CFAP92: variants seen among roughly 807,000 people sequenced by gnomAD.
CFAP92 encodes uncharacterized protein CFAP92.
A neutral mutation model predicts 106.3 loss-of-function variants in CFAP92; 86 were observed. The ratio of observed to expected loss-of-function variants is 0.81; its 90% CI spans 0.68 to 0.97. The LOEUF (loss-of-function observed/expected upper bound fraction) is 0.97. CFAP92 is among the 50% of genes least tolerant of loss of function. CFAP92 has a pLI of 0.00. For synonymous variants in CFAP92, 477 were observed against 506.4 expected, an observed-to-expected ratio of 0.94 and a Z score of 0.78; for missense variants, 1,204 against 1,283.8, an observed-to-expected ratio of 0.94 and a Z score of 0.95.
intron 10 of CFAP92, among the ~76,000 whole-genome samples, chr3:128,940,562 T>G (rs1344930119): frequency 1.3e-5 from 2 of 152,226 alleles, no homozygotes; most frequent in African/African-American, 4.8e-5. Context: ...TTCATTCTTT[T>G]GAAGTAGAAA....
intron 15 of CFAP92, chr3:128,910,874 G>A (rs1489259512): frequency 6.3e-7 from 1 of 1,580,632 alleles, no homozygotes; most frequent in Non-Finnish European, 8.7e-7. Flanking sequence ...TATTGATGGT[G>A]AGCTGTTTCT....
intron 15 of CFAP92, among the ~76,000 whole-genome samples, chr3:128,910,577 TG>T (rs1304623844): frequency 1.3e-5 from 2 of 152,164 alleles, no homozygotes; most frequent in African/African-American, 4.8e-5. Flanking sequence ...GGGGAAAGGC[TG>T]TTGGATCAGG....
intron 12 of CFAP92, among the ~76,000 whole-genome samples, chr3:128,931,332 T>C (rs1428785436): frequency 1.3e-5 from 2 of 151,856 alleles, no homozygotes; most frequent in African/African-American, 4.8e-5. Flanking sequence ...CATGCCAGCA[T>C]GCCCAGCTAA....
intron 4 of CFAP92, among the ~76,000 whole-genome samples, chr3:128,984,084 C>A (rs1471758554): frequency 2.0e-5 from 3 of 151,902 alleles, no homozygotes; most frequent in Non-Finnish European, 2.9e-5. Context: ...GTGGGGGTGC[C>A]CAGAATTGAG....
chr3:129,014,188 G>T, the CFAP92 span, among the ~76,000 whole-genome samples: 3 of 152,232 alleles, frequency 2.0e-5, no homozygotes, highest in Admixed American at 6.5e-5. The surrounding 1 kb of genome is among the most constrained non-coding windows in gnomAD (Gnocchi z 4.3). Context: ...AGGCAGCTGG[G>T]AAGAGGCAGA....
intron 15 of CFAP92, among the ~76,000 whole-genome samples, chr3:128,912,296 A>G (rs1423160696): frequency 3.9e-5 from 6 of 152,198 alleles, no homozygotes; most frequent in Non-Finnish European, 8.8e-5. Flanking sequence ...AGAGATGAGC[A>G]GGATGAGTCC....
chr3:129,003,338 A>G (rs570504457), upstream of CFAP92: 1 of 956,012 alleles, frequency 1.0e-6, no homozygotes, highest in Non-Finnish European at 1.2e-6. Context: ...GGCTCTGGGA[A>G]CACACCAGTA....
intron 9 of CFAP92, among the ~76,000 whole-genome samples, chr3:128,952,685 G>A (rs576491038): frequency 1.3e-5 from 2 of 152,204 alleles, no homozygotes; most frequent in African/African-American, 4.8e-5. Flanking sequence ...GGAGGCTGAG[G>A]TGGCAGGGTC....
chr3:128,973,357 G>A (rs1199400112), intron 7 of CFAP92, among the ~76,000 whole-genome samples: 1 of 152,068 alleles, frequency 6.6e-6, no homozygotes, highest in East Asian at 1.9e-4. Flanking sequence ...CAAGCAGGGG[G>A]GAACAGATGC....
chr3:128,927,888 T>C (rs1937869325), intron 12 of CFAP92, among the ~76,000 whole-genome samples: 1 of 152,108 alleles, frequency 6.6e-6, no homozygotes, highest in Admixed American at 6.6e-5. Context: ...AGCAGAGACA[T>C]TCCATGTTCA....
chr3:128,994,121 C>G, upstream of CFAP92: 1 of 985,790 alleles, frequency 1.0e-6, no homozygotes, highest in African/African-American at 1.7e-5. Context: ...GGCCCAGCCA[C>G]TCAGCTACGT....
intron 10 of CFAP92, among the ~76,000 whole-genome samples, chr3:128,938,519 A>G (rs1302369081): frequency 1.4e-5 from 2 of 142,054 alleles, no homozygotes; most frequent in Admixed American, 7.2e-5. Flanking sequence ...TAAGAGATGG[A>G]GTCTCGCTCT....
intron 12 of CFAP92, among the ~76,000 whole-genome samples, chr3:128,919,163 C>T (rs1027682491): frequency 2.6e-5 from 4 of 151,854 alleles, no homozygotes; most frequent in Non-Finnish European, 5.9e-5. Context: ...AGGCTGGTCT[C>T]GAACGCCAGA....
In CFAP92 at chr3:128,933,012, C is replaced by T. The variant is rs1386437834; in HGVS notation, c.2454-15G>A. The T allele has an allele frequency of 2.0e-6, 3 of 1,535,512 alleles. No homozygotes were observed. In the African/African-American group the frequency reaches 4.1e-5, roughly 21 times the overall value. On this transcript the variant is annotated splice_polypyrimidine_tract_variant and intron_variant, in intron 11 of 15. Coordinates refer to ENST00000645291, the MANE Select transcript of CFAP92 (RefSeq NM_001394090.1). ...TGTCGTGGATCCTGGAACAAAGAAC[C>T]ACTGCCCCACTGAACCTCTCCTACC...
At chr3:129,016,789 G>T in the CFAP92 span, among the ~76,000 whole-genome samples, 5 of 152,118 alleles carry the variant, frequency 3.3e-5, no homozygotes, top group Non-Finnish European at 7.3e-5. Context: ...GCACTCACTG[G>T]GTGTTAGGCA....
intron 4 of CFAP92, among the ~76,000 whole-genome samples, chr3:128,980,322 A>G (rs1943447319): frequency 6.7e-6 from 1 of 148,956 alleles, no homozygotes; most frequent in South Asian, 2.1e-4. Flanking sequence ...AGCCATGATC[A>G]CACCACTGCA....
chr3:128,920,562 GAC>G (rs1937187568), intron 12 of CFAP92, among the ~76,000 whole-genome samples: 2 of 152,234 alleles, frequency 1.3e-5, no homozygotes, highest in South Asian at 2.1e-4. Context: ...TTGCAGCTTG[GAC>G]ACAGTGTTGG....
At chr3:128,928,460 G>A (rs1937954439) in intron 12 of CFAP92, among the ~76,000 whole-genome samples, 2 of 152,192 alleles carry the variant, frequency 1.3e-5, no homozygotes, top group South Asian at 4.1e-4. Flanking sequence ...GGTATATGGA[G>A]AGGCATATAA....
At chr3:128,977,965 A>G in intron 5 of CFAP92, 80 bp downstream of exon 5, 2 of 1,576,528 alleles carry the variant, frequency 1.3e-6, no homozygotes, top group Non-Finnish European at 1.7e-6. Context: ...ATGCAGATGC[A>G]TTGCTCCAGC....
Sources: allele counts gnomAD v4.1 joint callset (sites outside exome capture counted in the v4.1 genomes callset), GRCh38; gene constraint gnomAD v4.1.1; non-coding constraint Gnocchi (gnomAD v3.1); transcripts MANE v1.5; gene names NCBI Gene and HGNC (gene_info 2026-07-23, HGNC 2026-07-21).